Variants in EML2 observed in about 807,000 individuals in gnomAD.
EML2 encodes EMAP like 2, also known as echinoderm microtubule-associated protein-like 2.
EML2 carries 59 observed loss-of-function variants against 84.7 expected under a neutral mutation model. That is an observed-to-expected ratio of 0.70 (90% CI 0.56 to 0.86). The LOEUF (loss-of-function observed/expected upper bound fraction) is 0.86, where lower values mean the gene tolerates loss of function less well. EML2 is among the 40% of genes least tolerant of loss of function. EML2 has a pLI of 0.00. For missense variants in EML2, 818 were observed against 855.6 expected (o/e 0.96, Z 0.55); for synonymous variants, 352 against 348.9 (o/e 1.01, Z -0.10).
chr19:45,642,291 C>A, upstream of EML2: 1 of 1,535,980 alleles, frequency 6.5e-7, no homozygotes, highest in Non-Finnish European at 8.7e-7. Flanking sequence ...ACTGCAGCCG[C>A]TGCTCCAGCG....
intron 15 of EML2, 160 bp downstream of exon 15, chr19:45,616,301 C>G: frequency 1.7e-6 from 1 of 605,586 alleles, no homozygotes; most frequent in Non-Finnish European, 2.9e-6. Flanking sequence ...GCTTAGAACA[C>G]ACGAGGTGGT....
At chr19:45,621,423 G>A in intron 10 of EML2, 60 bp downstream of exon 10, 2 of 1,581,868 alleles carry the variant, frequency 1.3e-6, no homozygotes, top group Non-Finnish European at 1.7e-6. Flanking sequence ...GGCGTTGGGA[G>A]CCCTGGTGAG....
intron 8 of EML2, among the ~76,000 whole-genome samples, chr19:45,626,422 C>T (rs961574474): frequency 1.6e-5 from 2 of 125,730 alleles, no homozygotes; most frequent in Non-Finnish European, 3.2e-5. Context: ...GATAGGGTCT[C>T]GTTCTATCAC....
intron 9 of EML2, among the ~76,000 whole-genome samples, chr19:45,622,508 G>A (rs1971830165): frequency 6.6e-6 from 1 of 152,144 alleles, no homozygotes; most frequent in Admixed American, 6.5e-5. Flanking sequence ...TTGGCTCACT[G>A]CAACCTCTGC....
intron 4 of EML2, among the ~76,000 whole-genome samples, chr19:45,633,720 AGAGT>A (rs1375289618): frequency 2.0e-5 from 3 of 152,108 alleles, no homozygotes; most frequent in African/African-American, 7.2e-5. Flanking sequence ...CCTAGGCGAC[AGAGT>A]GAGACTAGTT....
At chr19:45,631,325 G>C (rs1972998503) in intron 6 of EML2, among the ~76,000 whole-genome samples, 2 of 152,106 alleles carry the variant, frequency 1.3e-5, no homozygotes, top group African/African-American at 2.4e-5. Context: ...AGCTATCTGT[G>C]CAGGAGACTG....
At chr19:45,621,044 G>T in intron 11 of EML2, 163 bp downstream of exon 11, 2 of 1,094,732 alleles carry the variant, frequency 1.8e-6, no homozygotes, top group Non-Finnish European at 2.7e-6. Flanking sequence ...TTAAACTCTT[G>T]GTTGCTGGAT....
At chr19:45,632,806 A>T (rs1453713407) in intron 6 of EML2, 55 bp downstream of exon 6, 1 of 1,490,072 alleles carries the variant, frequency 6.7e-7, no homozygotes, top group Non-Finnish European at 9.2e-7. Context: ...AGGTGCGGGC[A>T]CTTGCCCTCC....
At chr19:45,631,556 T>C (rs1318839184) in intron 6 of EML2, among the ~76,000 whole-genome samples, 4 of 151,772 alleles carry the variant, frequency 2.6e-5, no homozygotes, top group Non-Finnish European at 5.9e-5. Context: ...GTAGCTGGGA[T>C]TACCACACCC....
chr19:45,619,588 G>A (rs535595194), intron 11 of EML2: 72 of 158,080 alleles, frequency 4.6e-4, no homozygotes, highest in Non-Finnish European at 8.2e-4. Context: ...AAGTCTGAGG[G>A]ACCTCATGGA....
At position 45,616,520 on chromosome 19, in the gene EML2, C is replaced by G. The variant is rs1270442107; in HGVS notation, c.1450G>C (p.Val484Leu). The G allele has an allele frequency of 6.8e-6, 11 of 1,610,678 alleles. No homozygotes were observed. Among genetic ancestry groups the G allele is most frequent in the South Asian group, 3.3e-5 (3 of 90,956 alleles). ...YLAVGSHDNL[V>L]YVYTVDQGGR... is the part of the protein sequence containing the mutation. ...CCCTGGTCCACCGTGTACACGTACA[C>G]CAAGTTGTCGTGGGAGCCCACGGCC... The change falls in exon 15 of 19, where the codon GTG (valine) becomes CTG (leucine). Residue 484 changes from valine to leucine, a missense_variant. By Grantham distance (32) the Val-to-Leu change is conservative (BLOSUM62 1). Coordinates refer to ENST00000245925, the MANE Select transcript of EML2 (RefSeq NM_012155.4).
intron 8 of EML2, among the ~76,000 whole-genome samples, chr19:45,625,685 G>A (rs1442811825): frequency 6.6e-6 from 1 of 152,064 alleles, no homozygotes. Context: ...TCCGTGCCCA[G>A]TGTTCTCTGG....
intron 17 of EML2, among the ~76,000 whole-genome samples, chr19:45,614,135 C>T (rs1270911154): frequency 6.6e-6 from 1 of 152,192 alleles, no homozygotes; most frequent in Non-Finnish European, 1.5e-5. Flanking sequence ...CTCCAGGAAG[C>T]CCTCCCTGAT....
chr19:45,614,775 C>T (rs1389722504), intron 16 of EML2, 75 bp from the exon 17 acceptor site: 6 of 1,262,918 alleles, frequency 4.8e-6, no homozygotes, highest in East Asian at 2.3e-5. Flanking sequence ...CTTAGACAAT[C>T]GGAGCTGAGG....
intron 9 of EML2, among the ~76,000 whole-genome samples, chr19:45,622,285 T>C (rs952123378): frequency 6.6e-6 from 1 of 151,952 alleles, no homozygotes; most frequent in African/African-American, 2.4e-5. Context: ...TCCACCAGAC[T>C]ATCTATCCAT....
intron 15 of EML2, 89 bp from the exon 16 acceptor site, chr19:45,615,978 A>G: frequency 3.1e-6 from 3 of 962,618 alleles, no homozygotes; most frequent in Non-Finnish European, 4.9e-6. Context: ...GTGGAAGTCA[A>G]ATACAGAGGT....
intron 17 of EML2, 145 bp downstream of exon 17, chr19:45,614,460 T>G: frequency 1.4e-6 from 1 of 717,194 alleles, no homozygotes; most frequent in Non-Finnish European, 2.5e-6. Context: ...ACCCTACCCT[T>G]TCCTCTTACA....
In EML2 at chr19:45,613,708, C is replaced by T. The variant is rs1463616350; in HGVS notation, c.1694-37G>A. Reference sequence around the variant, plus strand: ...ATGAAGGGAAGTGGTAAGATGTCAGCTGGAGCCAGGGACCGCCAAGAGGAG... The same window carrying T: ...ATGAAGGGAAGTGGTAAGATGTCAGTTGGAGCCAGGGACCGCCAAGAGGAG... On this transcript the variant is annotated intron_variant, in intron 17 of 18. Coordinates refer to ENST00000245925, the MANE Select transcript of EML2 (RefSeq NM_012155.4). 12 of 1,600,148 alleles carry T rather than the reference C, an allele frequency of 7.5e-6. No individual in the cohort carries two copies. In the African/African-American group the frequency reaches 1.3e-4, roughly 18 times the overall value.
chr19:45,621,305 T>A lies in EML2; in HGVS notation c.1024A>T (p.Thr342Ser). ...GTGTCTCCGTGGCCCTCTGCCACGGTGCGCACAGGGCCAAAGTCCTCAGGG... is the reference window on the plus strand; with the variant it reads ...GTGTCTCCGTGGCCCTCTGCCACGGAGCGCACAGGGCCAAAGTCCTCAGGG... The part of the protein sequence containing the change: ...EVPEDFGPVR[T>S]VAEGHGDTLY... The change falls in exon 11 of 19, where the codon ACC becomes TCC. Residue 342 changes from threonine to serine, a missense_variant. Thr to Ser is a moderately conservative substitution (Grantham distance 58, BLOSUM62 1). Coordinates refer to ENST00000245925, the MANE Select transcript of EML2 (RefSeq NM_012155.4). 1 of 1,610,844 alleles carries A rather than the reference T, an allele frequency of 6.2e-7. No homozygotes were observed. The highest frequency in any genetic ancestry group is 2.2e-5 in the East Asian group (1 of 44,800).
Sources: allele counts gnomAD v4.1 joint callset (sites outside exome capture counted in the v4.1 genomes callset), GRCh38; gene constraint gnomAD v4.1.1; transcripts MANE v1.5; gene names NCBI Gene and HGNC (gene_info 2026-07-23, HGNC 2026-07-21).